ALDH1A2: variants seen among roughly 807,000 people sequenced by gnomAD.
ALDH1A2 encodes aldehyde dehydrogenase 1 family member A2, also known as retinal dehydrogenase 2.
ALDH1A2 carries 27 observed loss-of-function variants against 60.3 expected under a neutral mutation model. The ratio of observed to expected loss-of-function variants is 0.45; its 90% CI spans 0.33 to 0.62. The LOEUF (loss-of-function observed/expected upper bound fraction) is 0.62, where lower values mean the gene tolerates loss of function less well. Ranked by LOEUF, ALDH1A2 falls within the 20% of genes least tolerant of loss-of-function variation. The pLI is 0.02. For missense variants in ALDH1A2, 581 were observed against 643.8 expected (o/e 0.90, Z 1.06); for synonymous variants, 289 against 232.4 (o/e 1.24, Z -2.21).
chr15:58,010,204 T>C (rs1279909861), intron 4 of ALDH1A2, among the ~76,000 whole-genome samples: 1 of 152,102 alleles, frequency 6.6e-6, no homozygotes, highest in African/African-American at 2.4e-5. Context: ...AAATCAGCCA[T>C]AATCTCACCA....
chr15:58,039,351 T>C (rs1233363788), intron 1 of ALDH1A2, among the ~76,000 whole-genome samples: 1 of 151,636 alleles, frequency 6.6e-6, no homozygotes, highest in Non-Finnish European at 1.5e-5. Context: ...ATGGATTATA[T>C]ATAACCCGTC....
At chr15:57,983,149 C>T (rs1209698126) in intron 7 of ALDH1A2, among the ~76,000 whole-genome samples, 1 of 152,216 alleles carries the variant, frequency 6.6e-6, no homozygotes, top group Non-Finnish European at 1.5e-5. Flanking sequence ...GACAACAAAA[C>T]TGCATTCGCT....
intron 1 of ALDH1A2, among the ~76,000 whole-genome samples, chr15:58,048,572 T>G (rs1324334194): frequency 6.6e-6 from 1 of 152,022 alleles, no homozygotes; most frequent in African/African-American, 2.4e-5. Context: ...CCCAGAATGA[T>G]GCTGCTTGAG....
In ALDH1A2 at chr15:57,954,603, T is replaced by G. The variant is rs915723127; in HGVS notation, c.*594A>C. On this transcript the variant is annotated 3_prime_UTR_variant, in exon 13 of 13. Transcript: ENST00000249750. Reference sequence around the variant, plus strand: ...GAATATCCCAGGTTCTTACTACATCTGTAGTGTACCAGCTCCTGGCATTTT... The same window carrying G: ...GAATATCCCAGGTTCTTACTACATCGGTAGTGTACCAGCTCCTGGCATTTT... 4 of 164,746 alleles carry G rather than the reference T, an allele frequency of 2.4e-5. No individual in the cohort carries two copies. The highest frequency in any genetic ancestry group is 4.8e-5 in the African/African-American group (2 of 41,676). 10.2% of individuals were successfully genotyped at this position (164,746 alleles called of 1,614,324 possible).
intron 12 of ALDH1A2, among the ~76,000 whole-genome samples, chr15:57,959,697 A>C (rs534058658): frequency 6.6e-6 from 1 of 152,300 alleles, no homozygotes; most frequent in East Asian, 1.9e-4. Flanking sequence ...TGAGGCTTAG[A>C]TTAAGTAATT....
intron 12 of ALDH1A2, among the ~76,000 whole-genome samples, chr15:57,959,259 G>C (rs1893642019): frequency 6.6e-6 from 1 of 152,204 alleles, no homozygotes. Context: ...GAGACTGGGA[G>C]AGCACAGACA....
chr15:58,038,725 A>G (rs1267848199), intron 1 of ALDH1A2: 2 of 151,774 alleles, frequency 1.3e-5, no homozygotes, highest in South Asian at 2.1e-4. Context: ...CTTGCCATCA[A>G]TATTGTGGTA....
At chr15:58,063,317 C>T (rs1030634237) in intron 1 of ALDH1A2, among the ~76,000 whole-genome samples, 5 of 152,148 alleles carry the variant, frequency 3.3e-5, no homozygotes, top group Non-Finnish European at 7.4e-5. Flanking sequence ...CACGCCCTAA[C>T]GCGTAATACT....
At chr15:58,057,142 C>A (rs575144393) in intron 1 of ALDH1A2, among the ~76,000 whole-genome samples, 1 of 152,050 alleles carries the variant, frequency 6.6e-6, no homozygotes, top group East Asian at 1.9e-4. Flanking sequence ...AGCATTACTG[C>A]AATAACAAAA....
intron 12 of ALDH1A2, among the ~76,000 whole-genome samples, chr15:57,958,658 A>G (rs1893621830): frequency 6.6e-6 from 1 of 152,150 alleles, no homozygotes; most frequent in South Asian, 2.1e-4. Flanking sequence ...CCATGAGATA[A>G]ATAATTCTGT....
chr15:58,049,608 G>A (rs1305114441), intron 1 of ALDH1A2, among the ~76,000 whole-genome samples: 1 of 152,044 alleles, frequency 6.6e-6, no homozygotes, highest in Non-Finnish European at 1.5e-5. Context: ...AGCAGAGACA[G>A]ATAGGGTGGG....
intron 7 of ALDH1A2, among the ~76,000 whole-genome samples, chr15:57,981,916 G>C (rs1313527175): frequency 1.3e-5 from 2 of 152,182 alleles, no homozygotes; most frequent in African/African-American, 4.8e-5. Context: ...CAGTTCGAGA[G>C]GCTGGGAAGT....
intron 4 of ALDH1A2, among the ~76,000 whole-genome samples, chr15:58,001,713 T>C (rs1390764724): frequency 2.0e-5 from 3 of 151,972 alleles, no homozygotes; most frequent in Non-Finnish European, 2.9e-5. Context: ...AGCTTTGTGC[T>C]GTAAGCTCAA....
chr15:58,059,675 T>C (rs756817563), intron 1 of ALDH1A2, among the ~76,000 whole-genome samples: 1 of 152,152 alleles, frequency 6.6e-6, no homozygotes, highest in Non-Finnish European at 1.5e-5. Context: ...TTGGCACAAA[T>C]GTCAAGATAT....
Position 58,013,891 on chromosome 15 carries a change from T to C in ALDH1A2, c.330A>G (p.Ala110=), listed in dbSNP as rs769297442. The change falls in exon 3 of 13, where the codon GCA becomes GCG. Residue 110 remains alanine (A), a synonymous_variant. Transcript: ENST00000249750. The part of the protein sequence containing the change: ...SERGRLLDKL[A]DLVERDRAVL... ...CTGCCCTGTCCCGTTCCACCAAGTC[T>C]GCAAGCTTATCCAACAGACGTCCCC... 6 of 1,614,234 alleles carry C rather than the reference T, an allele frequency of 3.7e-6. No individual in the cohort carries two copies. Among genetic ancestry groups the C allele is most frequent in the Non-Finnish European group, 5.1e-6 (6 of 1,180,034 alleles).
intron 4 of ALDH1A2, among the ~76,000 whole-genome samples, chr15:58,008,981 G>A (rs1294934681): frequency 6.6e-6 from 1 of 152,044 alleles, no homozygotes; most frequent in Non-Finnish European, 1.5e-5. Context: ...TTCCCCAAGG[G>A]CAATCTTCTC....
rs191248689 is a variant in ALDH1A2 at position 58,058,624 on chromosome 15, A to C, written c.117+6910T>G. On this transcript the variant is annotated intron_variant, in intron 1 of 12. Transcript: ENST00000249750. ...AAGATTGGAAAGAGTTTTCAGATTC[A>C]TGATATGCTAAATTCTTCTAGATAA... Among the ~76,000 whole-genome samples, 130 of 152,260 alleles carry C rather than the reference A, an allele frequency of 8.5e-4. 3 individuals carry two copies. The highest frequency in any genetic ancestry group is 8.4e-3 in the Admixed American group (129 of 15,292).
chr15:57,962,361 AT>A (rs1893751837), intron 9 of ALDH1A2, among the ~76,000 whole-genome samples, 185 bp from the exon 10 acceptor site: 1 of 152,240 alleles, frequency 6.6e-6, no homozygotes, highest in African/African-American at 2.4e-5. Context: ...TGTATGGTTA[AT>A]CCTAATATAT....
At chr15:57,981,285 AGC>A (rs1491442363) in intron 7 of ALDH1A2, among the ~76,000 whole-genome samples, 2 of 119,062 alleles carry the variant, frequency 1.7e-5, no homozygotes, top group Non-Finnish European at 3.7e-5. Context: ...GAAATAGAAG[AGC>A]AAACACACAC....
Sources: allele counts gnomAD v4.1 joint callset (sites outside exome capture counted in the v4.1 genomes callset), GRCh38; gene constraint gnomAD v4.1.1; transcripts MANE v1.5; gene names NCBI Gene and HGNC (gene_info 2026-07-23, HGNC 2026-07-21).